FGF14: variants seen among roughly 807,000 people sequenced by gnomAD.
The protein encoded by FGF14 is fibroblast growth factor homologous factor 4.
Under a neutral mutation model 25.5 loss-of-function variants are expected in FGF14, and 5 were observed. The ratio of observed to expected loss-of-function variants is 0.20; its 90% CI spans 0.10 to 0.41. FGF14 has a LOEUF of 0.41. Ranked by LOEUF, FGF14 falls within the 10% of genes least tolerant of loss-of-function variation. The pLI is 1.00. For synonymous variants in FGF14, 138 were observed against 118.3 expected, an observed-to-expected ratio of 1.17 and a Z score of -1.08; for missense variants, 222 against 320.1, an observed-to-expected ratio of 0.69 and a Z score of 2.34.
chr13:101,788,903 TATATATAGAGAG>T (rs1464559901), intron 3 of FGF14, among the ~76,000 whole-genome samples: 630 of 35,398 alleles, frequency 0.018, 1 homozygote, highest in Admixed American at 0.024. Context: ...TATATATATA[TATATATAGAGAG>T]AGAGAGAGAG....
chr13:102,108,414 C>T (rs1295361988), intron 1 of FGF14, among the ~76,000 whole-genome samples: 4 of 151,828 alleles, frequency 2.6e-5, no homozygotes, highest in African/African-American at 7.3e-5. Flanking sequence ...TAGTAGATAT[C>T]GGTCAAACAA....
intron 1 of FGF14, among the ~76,000 whole-genome samples, chr13:102,176,086 G>T (rs534966182): frequency 6.6e-4 from 100 of 152,148 alleles, no homozygotes; most frequent in African/African-American, 2.3e-3. Flanking sequence ...CAAAGGAAAA[G>T]AAATTGTTAT....
intron 3 of FGF14, among the ~76,000 whole-genome samples, chr13:101,848,064 C>G (rs1269864164): frequency 6.6e-6 from 1 of 151,948 alleles, no homozygotes; most frequent in African/African-American, 2.4e-5. Context: ...AGTTAGAAAA[C>G]TACATTAATA....
intron 3 of FGF14, among the ~76,000 whole-genome samples, chr13:101,783,676 A>C (rs985894725): frequency 1.3e-5 from 2 of 152,124 alleles, no homozygotes; most frequent in African/African-American, 4.8e-5. Flanking sequence ...TCTTAAGTTT[A>C]ATTAGATCCT....
At position 101,913,534 on chromosome 13, in the gene FGF14, A is replaced by G. The variant is rs569788773; in HGVS notation, c.193+2919T>C. Among the ~76,000 whole-genome samples the G allele has an allele frequency of 2.0e-5, 3 of 152,250 alleles. No homozygotes were observed. In the East Asian group the frequency reaches 5.8e-4, roughly 29 times the overall value. ...ACCCTACATTTCAAAAATGTGTATT[A>G]CCCTTCCCCAAAACACAAAATGTGG... On this transcript the variant is annotated intron_variant, in intron 1 of 4. Coordinates refer to ENST00000376143, the MANE Select transcript of FGF14 (RefSeq NM_004115.4).
intron 1 of FGF14, among the ~76,000 whole-genome samples, chr13:102,094,184 C>A (rs1365829939): frequency 6.6e-6 from 1 of 151,376 alleles, no homozygotes; most frequent in Non-Finnish European, 1.5e-5. Flanking sequence ...GAAAATGCAG[C>A]TTTTATGTAG....
chr13:101,984,046 C>T (rs1384032280), intron 1 of FGF14, among the ~76,000 whole-genome samples: 1 of 152,166 alleles, frequency 6.6e-6, no homozygotes, highest in African/African-American at 2.4e-5. Flanking sequence ...CATTACTTAG[C>T]TTCTCTTTCA....
intron 1 of FGF14, among the ~76,000 whole-genome samples, chr13:102,145,460 T>A (rs576337794): frequency 6.6e-6 from 1 of 152,322 alleles, no homozygotes; most frequent in South Asian, 2.1e-4. Context: ...GCTGCTGAAT[T>A]AACCAACACT....
At chr13:102,258,892 G>GATTAACCTGTGATCC (rs1196121575) in intron 1 of FGF14, among the ~76,000 whole-genome samples, 1 of 152,184 alleles carries the variant, frequency 6.6e-6, no homozygotes, top group Admixed American at 6.5e-5. Context: ...ATTGGGAGTT[G>GATTAACCTGTGATCC]ATTAACCTGT....
At chr13:101,953,834 C>T (rs1187089088) in intron 1 of FGF14, among the ~76,000 whole-genome samples, 2 of 152,012 alleles carry the variant, frequency 1.3e-5, no homozygotes, top group Non-Finnish European at 2.9e-5. Context: ...AGGTGATCCA[C>T]CCACCTCGGC....
At chr13:102,267,971 T>C (rs2053070608) in intron 1 of FGF14, among the ~76,000 whole-genome samples, 1 of 152,086 alleles carries the variant, frequency 6.6e-6, no homozygotes, top group Non-Finnish European at 1.5e-5. Context: ...AAAGAGTACA[T>C]TCAATTTAGC....
chr13:101,833,362 AG>A (rs1205711501), intron 3 of FGF14, among the ~76,000 whole-genome samples: 1 of 152,068 alleles, frequency 6.6e-6, no homozygotes, highest in East Asian at 1.9e-4. Flanking sequence ...GTGAAGGAAA[AG>A]GAGTGGATTC....
At chr13:101,777,304 T>C (rs1594210530) in intron 3 of FGF14, among the ~76,000 whole-genome samples, 1 of 152,310 alleles carries the variant, frequency 6.6e-6, no homozygotes, top group Non-Finnish European at 1.5e-5. Flanking sequence ...TGCAAACTTC[T>C]TTTGTTATAA....
chr13:102,037,622 C>CA (rs1247899755), intron 1 of FGF14, among the ~76,000 whole-genome samples: 1 of 152,182 alleles, frequency 6.6e-6, no homozygotes, highest in Admixed American at 6.5e-5. Flanking sequence ...CAACTACTAA[C>CA]ACTAAATAAA....
chr13:101,835,771 A>G (rs1555391788), intron 3 of FGF14, among the ~76,000 whole-genome samples: 1 of 152,034 alleles, frequency 6.6e-6, no homozygotes, highest in Non-Finnish European at 1.5e-5. Context: ...TCCTGCCATC[A>G]TGGGAATAAG....
intron 3 of FGF14, among the ~76,000 whole-genome samples, chr13:101,732,056 A>G (rs2035845743): frequency 6.6e-6 from 1 of 152,182 alleles, no homozygotes; most frequent in South Asian, 2.1e-4. Flanking sequence ...CTAAGGAGCT[A>G]AGCATTCCCA....
chr13:102,049,800 G>A lies in FGF14; in HGVS notation c.209-174504C>T, dbSNP rs912718000. 5.3e-5 allele frequency among the ~76,000 whole-genome samples: 8 copies of A among 152,160 alleles called. No individual in the cohort carries two copies. The South Asian group carries it at 1.0e-3, about 20-fold the overall frequency. On this transcript the variant is annotated intron_variant, in intron 1 of 4. Coordinates refer to the FGF14 transcript ENST00000376131. The stretch of plus-strand genomic sequence containing the variant: ...AATGTCATGTGAACATGAAGGAAGA[G>A]ACTGGAGAGAGCTGTCCACAATCCA...
intron 1 of FGF14, among the ~76,000 whole-genome samples, chr13:101,976,498 C>T (rs945332881): frequency 2.0e-5 from 3 of 152,094 alleles, no homozygotes; most frequent in African/African-American, 7.2e-5. Flanking sequence ...ATTTTAGATA[C>T]AATGAGGTAT....
At chr13:102,332,775 T>A (rs2056672732) in intron 1 of FGF14, among the ~76,000 whole-genome samples, 1 of 152,136 alleles carries the variant, frequency 6.6e-6, no homozygotes, top group Non-Finnish European at 1.5e-5. Context: ...TTCTTAACAC[T>A]TATAAAAGAA....
Sources: gnomAD v4.1 joint callset for allele counts (sites outside exome capture counted in the v4.1 genomes callset) on GRCh38, gnomAD v4.1.1 for gene constraint, MANE v1.5 for transcripts, NCBI Gene and HGNC (gene_info 2026-07-23, HGNC 2026-07-21) for gene names.